The following CRIP3 variants were observed in gnomAD, a reference collection of about 807,000 sequenced individuals.
CRIP3 encodes the protein cysteine-rich protein 3.
Under a neutral mutation model 30.3 loss-of-function variants are expected in CRIP3, and 23 were observed. That is an observed-to-expected ratio of 0.76 (90% confidence interval 0.55 to 1.08). The LOEUF is 1.08. Among genes scored for constraint, CRIP3 ranks in the 50% least tolerant of loss-of-function variants. The probability of loss-of-function intolerance (pLI) is 0.00; values close to 1 mark genes in which losing one functional copy is unlikely to be tolerated. For missense variants in CRIP3, 261 were observed against 259.3 expected (o/e 1.01, Z -0.04); for synonymous variants, 89 against 97.6 (o/e 0.91, Z 0.52).
chr6:43,307,846 T>A lies in CRIP3; in HGVS notation c.189A>T (p.Gly63=). 1.2e-6 allele frequency: 2 copies of A among 1,613,930 alleles called. No individual in the cohort carries two copies. Among genetic ancestry groups the A allele is most frequent in the Non-Finnish European group, 8.5e-7 (1 of 1,179,990 alleles). The change falls in exon 3 of 8, where the codon GGA becomes GGT. Residue 63 remains glycine, a synonymous_variant. Transcript: ENST00000372569. The part of the protein sequence containing the change: ...CHKPCYGALF[G]PRGVNIGGVG... The stretch of plus-strand genomic sequence containing the variant: ...CTTAAGGCTGGTACTTACCCCTGGG[T>A]CCAAAGAGAGCCCCATAGCATGGCT...
rs1454749341 is a variant in CRIP3 at position 43,308,319 on chromosome 6, G to C, written c.134C>G (p.Ala45Gly). The change falls in exon 2 of 8, where the codon GCA becomes GGA. Residue 45 changes from alanine to glycine, a missense_variant. Physicochemically the swap from Ala to Gly is moderately conservative, Grantham distance 60. Transcript: ENST00000372569. ...TGCTCCCTGGCCAGGTCTTACCTCT[G>C]CATGCCCGCCAGGGGACAGGATGCT... ...CHSILSPGGH[A>G]EHNGRPYCHK... 10 of 1,611,928 alleles carry C rather than the reference G, an allele frequency of 6.2e-6. No individual in the cohort carries two copies. The Admixed American group carries it at 1.7e-4, about 27-fold the overall frequency.
chr6:43,305,655 G>C lies in CRIP3; in HGVS notation c.*159C>G. On this transcript the variant is annotated 3_prime_UTR_variant, in exon 8 of 8. Transcript: ENST00000372569. ...ATGGGAAAGGGAAAAAATTGGCAGA[G>C]AAAGTCTAGACTCTCTGGCCTACCA... 1.1e-6 allele frequency: 1 copy of C among 890,004 alleles called. No individual in the cohort carries two copies. The highest frequency in any genetic ancestry group is 1.5e-5 in the South Asian group (1 of 66,792). 55.1% of individuals were successfully genotyped at this position (890,004 alleles called of 1,614,324 possible).
intron 2 of CRIP3, 140 bp downstream of exon 2, chr6:43,308,175 G>A (rs1017714185): frequency 1.3e-6 from 1 of 758,550 alleles, no homozygotes; most frequent in African/African-American, 1.8e-5. Context: ...TGGCTGGTGT[G>A]GGGTCCACCA....
chr6:43,308,824 A>T lies in CRIP3; in HGVS notation c.-32T>A, dbSNP rs1335205470. On this transcript the variant is annotated 5_prime_UTR_variant, in exon 1 of 8. Transcript: ENST00000372569. ...GCTCCAGGCAGCGCACGCGGCACAC[A>T]GTAGGTACGCCGCTGCGGCTCAGTT... is the stretch of plus-strand genomic sequence containing the variant. 1 of 1,613,046 alleles carries T rather than the reference A, an allele frequency of 6.2e-7. No homozygotes were observed.
At position 43,306,061 on chromosome 6, in the gene CRIP3, G is replaced by T. The variant is rs1160330726; in HGVS notation, c.553+6C>A. 3 of 1,612,666 alleles carry T rather than the reference G, an allele frequency of 1.9e-6. No individual in the cohort carries two copies. The highest frequency in any genetic ancestry group is 1.1e-5 in the South Asian group (1 of 90,912). Reference sequence around the variant, plus strand: ...CCATCCCAGTGTCTGGGATGGGGCTGCCCACCTTTGGGGCCAAACAGGTAG... The same window carrying T: ...CCATCCCAGTGTCTGGGATGGGGCTTCCCACCTTTGGGGCCAAACAGGTAG... On this transcript the variant is annotated splice_donor_region_variant and intron_variant, in intron 7 of 7. Coordinates refer to ENST00000372569, the MANE Select transcript of CRIP3 (RefSeq NM_206922.3).
At chr6:43,305,905 C>T in intron 7 of CRIP3, 30 bp from the exon 8 acceptor site, 1 of 1,614,098 alleles carries the variant, frequency 6.2e-7, no homozygotes. Context: ...CACCAAAGGC[C>T]CTGGGTCTGT....
At chr6:43,306,368 C>G in intron 5 of CRIP3, 55 bp from the exon 6 acceptor site, 1 of 1,607,568 alleles carries the variant, frequency 6.2e-7, no homozygotes, top group East Asian at 2.2e-5. Flanking sequence ...GTAGGGAGAC[C>G]TACCTGCCTT....
In CRIP3 at chr6:43,306,269, G is replaced by A. The variant is rs770111531; in HGVS notation, c.445C>T (p.Leu149=). Residue 149 remains leucine, a synonymous_variant, in exon 6 of 8, where the codon CTG becomes TTG. Coordinates refer to ENST00000372569, the MANE Select transcript of CRIP3 (RefSeq NM_206922.3). The part of the protein sequence containing the change: ...SLGRNWHRPC[L]RCQRCHKTLT... ...GTCTTGTGGCAACGCTGGCACCTCA[G>A]ACACGGTCGGTGCCAATTTCTGCCT... 1.3e-5 allele frequency: 21 copies of A among 1,614,168 alleles called. 1 individual carries two copies. In the Admixed American group the frequency reaches 2.3e-4, roughly 18 times the overall value.
At chr6:43,307,437 T>C (rs1778966294) in intron 4 of CRIP3, 175 bp downstream of exon 4, 1 of 532,112 alleles carries the variant, frequency 1.9e-6, no homozygotes, top group Non-Finnish European at 2.9e-6. Flanking sequence ...CATGAGGGAA[T>C]AGAAAGAAAG....
chr6:43,305,914 G>A (rs1343949781), intron 7 of CRIP3, 39 bp from the exon 8 acceptor site: 5 of 1,613,876 alleles, frequency 3.1e-6, no homozygotes, highest in Admixed American at 3.3e-5. Flanking sequence ...CCCTGGGTCT[G>A]TGGTGCAGGG....
intron 2 of CRIP3, 116 bp downstream of exon 2, chr6:43,308,199 G>T: frequency 2.1e-6 from 2 of 942,330 alleles, no homozygotes; most frequent in Middle Eastern, 3.5e-4. Flanking sequence ...GGGCGGCCTT[G>T]GGGTTGGCTA....
In CRIP3 at chr6:43,308,785, C is replaced by G; in HGVS notation, c.8G>C (p.Trp3Ser). The G allele has an allele frequency of 6.2e-7, 1 of 1,614,046 alleles. No individual in the cohort carries two copies. Among genetic ancestry groups the G allele is most frequent in the South Asian group, 1.1e-5 (1 of 91,074 alleles). Residue 3 changes from tryptophan (W) to serine (S), a missense_variant, in exon 1 of 8, where the codon TGG becomes TCG. Coordinates refer to ENST00000372569, the MANE Select transcript of CRIP3 (RefSeq NM_206922.3). ...AGGTTGCTGGCAACGCGGACAGGTC[C>G]AGCTCATAGCTCCGCTCCAGGCAGC... MS[W>S]TCPRCQQPVF...
In CRIP3 at chr6:43,305,685, G is replaced by A; in HGVS notation, c.*129C>T. On this transcript the variant is annotated 3_prime_UTR_variant, in exon 8 of 8. Transcript: ENST00000372569. ...TCTAGACTCTCTGGCCTACCATGGA[G>A]CCTAGGCCCAGGCCCCCAAGATCCC... The A allele has an allele frequency of 8.5e-7, 1 of 1,173,504 alleles. No homozygotes were observed. The highest frequency in any genetic ancestry group is 1.3e-6 in the Non-Finnish European group (1 of 789,800). 72.7% of individuals were successfully genotyped at this position (1,173,504 alleles called of 1,614,324 possible).
chr6:43,308,615 G>T, intron 1 of CRIP3, 135 bp downstream of exon 1: 1 of 1,117,332 alleles, frequency 8.9e-7, no homozygotes, highest in Non-Finnish European at 1.3e-6. Context: ...GTGGGAGCGG[G>T]TGGTGCGGAG....
chr6:43,307,845 G>T lies in CRIP3; in HGVS notation c.190C>A (p.Pro64Thr), dbSNP rs1365589976. The T allele has an allele frequency of 1.9e-6, 3 of 1,614,056 alleles. No individual in the cohort carries two copies. Among genetic ancestry groups the T allele is most frequent in the Admixed American group, 1.7e-5 (1 of 60,028 alleles). ...CCTTAAGGCTGGTACTTACCCCTGG[G>T]TCCAAAGAGAGCCCCATAGCATGGC... The part of the protein sequence containing the change: ...HKPCYGALFG[P>T]RGVNIGGVGS... The change falls in exon 3 of 8, where the codon CCC becomes ACC. Residue 64 changes from proline (P) to threonine (T), a missense_variant. Physicochemically the swap from Pro to Thr is conservative, Grantham distance 38. Coordinates refer to ENST00000372569, the MANE Select transcript of CRIP3 (RefSeq NM_206922.3).
rs147937972 is a variant in CRIP3, at chr6:43,308,814, C to A, written c.-22G>T. ...TCATAGCTCCGCTCCAGGCAGCGCA[C>A]GCGGCACACAGTAGGTACGCCGCTG... On this transcript the variant is annotated 5_prime_UTR_variant, in exon 1 of 8. Coordinates refer to ENST00000372569, the MANE Select transcript of CRIP3 (RefSeq NM_206922.3). 2,757 of 1,613,902 alleles carry A rather than the reference C, an allele frequency of 1.7e-3. 2 individuals carry two copies. The highest frequency in any genetic ancestry group is 2.0e-3 in the Non-Finnish European group (2,351 of 1,179,972).
intron 6 of CRIP3, 27 bp downstream of exon 6, chr6:43,306,192 A>G (rs368688208): frequency 1.3e-5 from 21 of 1,613,994 alleles, no homozygotes; most frequent in Admixed American, 1.0e-4. Flanking sequence ...TCCTCCCAAC[A>G]TAACCACTCA....
intron 2 of CRIP3, 41 bp from the exon 3 acceptor site, chr6:43,307,937 G>T (rs757538519): frequency 1.4e-5 from 23 of 1,608,326 alleles, no homozygotes; most frequent in Non-Finnish European, 2.0e-5. Context: ...CAAGGCCAGC[G>T]GGAGCCATGC....
chr6:43,306,574 GC>G (rs1778938829), intron 4 of CRIP3, 57 bp from the exon 5 acceptor site: 2 of 1,354,870 alleles, frequency 1.5e-6, no homozygotes, highest in Non-Finnish European at 2.0e-6. Context: ...ACCAGCACCT[GC>G]CTGCATATGG....
Sources: allele counts gnomAD v4.1 joint callset, GRCh38; gene constraint gnomAD v4.1.1; transcripts MANE v1.5; gene names NCBI Gene and HGNC (gene_info 2026-07-23, HGNC 2026-07-21).